Variants in IKZF3 observed in about 807,000 individuals in gnomAD.
IKZF3 encodes the protein IKAROS family zinc finger 3.
Under a neutral mutation model 49.0 loss-of-function variants are expected in IKZF3, and 10 were observed. That is an observed-to-expected ratio of 0.20 (90% CI 0.13 to 0.35). IKZF3 has a LOEUF of 0.35. IKZF3 is among the 10% of genes least tolerant of loss of function. IKZF3 has a pLI of 1.00. For missense variants in IKZF3, 498 were observed against 664.8 expected (o/e 0.75, Z 2.76); for synonymous variants, 209 against 228.2 (o/e 0.92, Z 0.76).
In IKZF3 at chr17:39,761,305, G is replaced by C. The variant is rs1014891053; in HGVS notation, c.*4485C>G. On this transcript the variant is annotated 3_prime_UTR_variant, in exon 8 of 8. Transcript: ENST00000346872. ...ACTTGAGGAAACTAAAGACTGATGA[G>C]TTCATTTTCTCTCTTTTTTTTTTCT... The C allele has an allele frequency of 1.3e-5, 2 of 152,142 alleles. No individual in the cohort carries two copies. The highest frequency in any genetic ancestry group is 2.9e-5 in the Non-Finnish European group (2 of 68,028). 9.4% of individuals were successfully genotyped at this position (152,142 alleles called of 1,614,324 possible).
chr17:39,770,250 G>C (rs896609375), intron 7 of IKZF3, among the ~76,000 whole-genome samples: 1 of 152,266 alleles, frequency 6.6e-6, no homozygotes, highest in South Asian at 2.1e-4. Flanking sequence ...AAACCTGCAC[G>C]GAGCATCTGG....
chr17:39,834,792 C>T (rs1321298330), intron 1 of IKZF3, among the ~76,000 whole-genome samples: 1 of 152,158 alleles, frequency 6.6e-6, no homozygotes, highest in Non-Finnish European at 1.5e-5. Context: ...TAGCTGGAGG[C>T]ATGGGCAAGG....
intron 1 of IKZF3, among the ~76,000 whole-genome samples, chr17:39,854,940 TAGG>T (rs2062995179): frequency 6.6e-6 from 1 of 152,092 alleles, no homozygotes; most frequent in South Asian, 2.1e-4. Flanking sequence ...GGTGTCTGAG[TAGG>T]AGAATAACTT....
intron 1 of IKZF3, among the ~76,000 whole-genome samples, chr17:39,840,381 C>A (rs1360786804): frequency 6.6e-6 from 1 of 152,156 alleles, no homozygotes; most frequent in African/African-American, 2.4e-5. Flanking sequence ...GGCCATAAAA[C>A]AGGCTGCTTT....
chr17:39,853,865 C>G (rs911734487), intron 1 of IKZF3, among the ~76,000 whole-genome samples: 3 of 151,108 alleles, frequency 2.0e-5, no homozygotes, highest in African/African-American at 7.3e-5. Context: ...CACGGTGGCT[C>G]ACGCCTGTAA....
intron 3 of IKZF3, among the ~76,000 whole-genome samples, chr17:39,799,849 T>G (rs1190352116): frequency 1.3e-5 from 2 of 152,234 alleles, no homozygotes; most frequent in African/African-American, 4.8e-5. Flanking sequence ...AAAAAAATTA[T>G]GTTTCTTTGT....
chr17:39,831,280 AG>A (rs2062101181), intron 2 of IKZF3, among the ~76,000 whole-genome samples: 1 of 152,074 alleles, frequency 6.6e-6, no homozygotes, highest in Non-Finnish European at 1.5e-5. Context: ...AGGCTGAGGC[AG>A]GAGAATGGCT....
chr17:39,829,347 T>C (rs2062042047), intron 3 of IKZF3, 40 bp downstream of exon 3: 1 of 1,389,296 alleles, frequency 7.2e-7, no homozygotes, highest in South Asian at 1.2e-5. Flanking sequence ...CTAAGCAATA[T>C]CTACAGGCAT....
At chr17:39,791,691 A>C in intron 4 of IKZF3, 108 bp from the exon 5 acceptor site, 5 of 1,126,462 alleles carry the variant, frequency 4.4e-6, no homozygotes, top group Non-Finnish European at 6.5e-6. Context: ...ATTACTGTTC[A>C]CATTGGGATC....
rs755295481 is a variant in IKZF3 at position 39,792,865 on chromosome 17, C to T, written c.232G>A (p.Gly78Arg). ...DENVLKSEPM[G>R]NAEEPEIPYS... ...GGGATTTCAGGCTCTTCTGCATTTC[C>T]CATGGGTTCTGACTTTAAAACATTC... The change falls in exon 4 of 8, where the codon GGA becomes AGA. Residue 78 changes from glycine (G) to arginine (R), a missense_variant. Around this residue, in one of 3 missense-constraint regions of IKZF3, gnomAD observed 97 missense variants for 98.9 expected, o/e 0.98. Transcript: ENST00000346872. 4 of 1,613,934 alleles carry T rather than the reference C, an allele frequency of 2.5e-6. No homozygotes were observed. Among genetic ancestry groups the T allele is most frequent in the South Asian group, 1.1e-5 (1 of 91,072 alleles).
intron 3 of IKZF3, among the ~76,000 whole-genome samples, chr17:39,813,741 C>G (rs942478911): frequency 2.0e-5 from 3 of 152,216 alleles, no homozygotes; most frequent in African/African-American, 4.8e-5. Context: ...TAAGCACTTA[C>G]AGAAATCCCC....
intron 5 of IKZF3, 121 bp downstream of exon 5, chr17:39,791,295 T>A (rs985728940): frequency 1.6e-4 from 162 of 1,042,616 alleles, no homozygotes; most frequent in Non-Finnish European, 1.2e-4. Context: ...GTCTCTGCTG[T>A]TGTAACCCTT....
At chr17:39,772,426 C>A (rs906266734) in intron 7 of IKZF3, among the ~76,000 whole-genome samples, 7 of 152,332 alleles carry the variant, frequency 4.6e-5, no homozygotes, top group African/African-American at 1.7e-4. Context: ...TAATTTCCCA[C>A]AAGTGTTATC....
chr17:39,826,368 G>A (rs2061956020), intron 3 of IKZF3, among the ~76,000 whole-genome samples: 1 of 152,210 alleles, frequency 6.6e-6, no homozygotes, highest in African/African-American at 2.4e-5. Context: ...AAGGTAAATG[G>A]ACAACATCCT....
At chr17:39,772,477 CA>C (rs2060469807) in intron 7 of IKZF3, among the ~76,000 whole-genome samples, 1 of 151,984 alleles carries the variant, frequency 6.6e-6, no homozygotes, top group Admixed American at 6.6e-5. Flanking sequence ...AGCAAATGAA[CA>C]AAAAAGGCAG....
At chr17:39,794,860 A>T (rs2061123725) in intron 3 of IKZF3, among the ~76,000 whole-genome samples, 1 of 151,758 alleles carries the variant, frequency 6.6e-6, no homozygotes, top group Non-Finnish European at 1.5e-5. Context: ...TTCCTCCATC[A>T]CTCCAGCTGT....
chr17:39,787,586 C>A (rs920786699), intron 6 of IKZF3, among the ~76,000 whole-genome samples: 1 of 152,166 alleles, frequency 6.6e-6, no homozygotes, highest in African/African-American at 2.4e-5. Flanking sequence ...TTGACTCTAC[C>A]TTTAAATATA....
rs543904102 is a variant in IKZF3 at position 39,761,372 on chromosome 17, A to C, written c.*4418T>G. 4.0e-5 allele frequency: 6 copies of C among 151,370 alleles called. No individual in the cohort carries two copies. Among genetic ancestry groups the C allele is most frequent in the African/African-American group, 1.2e-4 (5 of 41,150 alleles). 9.4% of individuals were successfully genotyped at this position (151,370 alleles called of 1,614,324 possible). On this transcript the variant is annotated 3_prime_UTR_variant, in exon 8 of 8. Coordinates refer to ENST00000346872, the MANE Select transcript of IKZF3 (RefSeq NM_012481.5). ...GCTCACGGGAGAGACACTTCTATTT[A>C]GTTTTCTTTCCGTAGGAAGTACCGA...
intron 6 of IKZF3, among the ~76,000 whole-genome samples, chr17:39,780,243 TAAA>T (rs398041675): frequency 4.7e-5 from 5 of 105,766 alleles, no homozygotes; most frequent in Admixed American, 1.0e-4. Flanking sequence ...AGACTCTGTC[TAAA>T]AAAAAAAAAA....
Sources: allele counts gnomAD v4.1 joint callset (sites outside exome capture counted in the v4.1 genomes callset), GRCh38; gene constraint gnomAD v4.1.1; regional missense constraint gnomAD v4.1.1; transcripts MANE v1.5; gene names NCBI Gene and HGNC (gene_info 2026-07-23, HGNC 2026-07-21).